VPS13B: variants seen among roughly 807,000 people sequenced by gnomAD.
The protein encoded by VPS13B is intermembrane lipid transfer protein VPS13B.
In VPS13B, 285 loss-of-function variants were observed where a neutral mutation model predicts 426.4. The observed-to-expected ratio is 0.67, with a 90% CI of 0.61 to 0.74. The LOEUF (loss-of-function observed/expected upper bound fraction) is 0.74. Among genes scored for constraint, VPS13B ranks in the 30% least tolerant of loss-of-function variants. The pLI is 0.00. For missense variants in VPS13B, 4,537 were observed against 4,782.6 expected (o/e 0.95, Z 1.51); for synonymous variants, 1,676 against 1,676.4 (o/e 1.00, Z 0.01).
intron 17 of VPS13B, chr8:99,234,077 G>T (rs1203227887): frequency 9.0e-6 from 7 of 781,710 alleles, no homozygotes; most frequent in Non-Finnish European, 1.4e-5. Context: ...TGTCCGGCCT[G>T]AGAAGAGCCC....
intron 12 of VPS13B, among the ~76,000 whole-genome samples, chr8:99,137,392 A>G (rs1225636378): frequency 1.3e-5 from 2 of 151,934 alleles, no homozygotes; most frequent in Non-Finnish European, 2.9e-5. Context: ...GTATTAGGTG[A>G]TATGTTAGGT....
intron 24 of VPS13B, among the ~76,000 whole-genome samples, chr8:99,481,266 CT>C (rs1310604015): frequency 2.0e-5 from 3 of 152,056 alleles, no homozygotes; most frequent in Non-Finnish European, 4.4e-5. Flanking sequence ...ACTAGAACGC[CT>C]TTGTTTTTTA....
At chr8:99,827,848 G>C (rs1440895855) in intron 51 of VPS13B, among the ~76,000 whole-genome samples, 2 of 152,182 alleles carry the variant, frequency 1.3e-5, no homozygotes, top group Admixed American at 6.5e-5. Context: ...TTACCCAGTA[G>C]TCATTCAGGA....
intron 34 of VPS13B, among the ~76,000 whole-genome samples, chr8:99,653,666 T>G (rs1290323186): frequency 1.3e-5 from 2 of 152,194 alleles, no homozygotes; most frequent in Non-Finnish European, 2.9e-5. Context: ...CTGGTTATAC[T>G]TAATATTCAT....
chr8:99,766,993 G>T, intron 40 of VPS13B, 23 bp downstream of exon 40: 1 of 1,608,424 alleles, frequency 6.2e-7, no homozygotes, highest in South Asian at 1.1e-5. Flanking sequence ...AAGATGATAT[G>T]GTAGCATTAC....
intron 35 of VPS13B, among the ~76,000 whole-genome samples, chr8:99,662,691 G>C (rs3099853): frequency 0.19 from 29,011 of 151,890 alleles, 3,331 homozygotes; most frequent in East Asian, 0.45. Context: ...CAAGCAATCC[G>C]CCTGCCTCAG....
At chr8:99,831,948 T>A (rs1002942803) in intron 51 of VPS13B, among the ~76,000 whole-genome samples, 2 of 152,194 alleles carry the variant, frequency 1.3e-5, no homozygotes, top group Non-Finnish European at 2.9e-5. Flanking sequence ...TACATAGTTA[T>A]AGATGGTGTC....
rs1816857792 is a variant in VPS13B, at chr8:99,861,923, C to T, written c.11192C>T (p.Ser3731Phe). The T allele has an allele frequency of 6.3e-7, 1 of 1,595,540 alleles. No homozygotes were observed. The highest frequency in any genetic ancestry group is 8.5e-7 in the Non-Finnish European group (1 of 1,172,250). ...SLGEGLRQGL[S>F]RLGISLLGAI... is the part of the protein sequence containing the mutation. The stretch of plus-strand genomic sequence containing the variant: ...GGCGAGGGGCTTCGACAGGGCCTGT[C>T]CCGGCTGGGCATCAGCCTGCTTGGT... Residue 3731 changes from serine (S) to phenylalanine (F), a missense_variant, in exon 58 of 62, where the codon TCC becomes TTC. Physicochemically the swap from Ser to Phe is radical, Grantham distance 155 (BLOSUM62 -2). This residue lies in a region of VPS13B where 4,311 missense variants were observed against 4,474.3 expected (regional missense o/e 0.96). Coordinates refer to ENST00000357162, the MANE Select transcript of VPS13B (RefSeq NM_152564.5).
intron 29 of VPS13B, 82 bp from the exon 30 acceptor site, chr8:99,520,817 C>T: frequency 3.3e-5 from 34 of 1,021,386 alleles, no homozygotes; most frequent in South Asian, 1.4e-4. Flanking sequence ...GTCTCTATTC[C>T]ATTCCCTCAA....
intron 21 of VPS13B, among the ~76,000 whole-genome samples, chr8:99,425,773 C>T (rs1168434528): frequency 6.6e-6 from 1 of 152,144 alleles, no homozygotes; most frequent in South Asian, 2.1e-4. Context: ...TCCCTGTTTG[C>T]AGATGACATG....
At chr8:99,535,611 CATT>C (rs910114934) in intron 30 of VPS13B, among the ~76,000 whole-genome samples, 1 of 151,968 alleles carries the variant, frequency 6.6e-6, no homozygotes, top group Non-Finnish European at 1.5e-5. Context: ...TTACTTTTTT[CATT>C]TTTTAAAGTG....
intron 27 of VPS13B, among the ~76,000 whole-genome samples, chr8:99,506,467 G>A (rs535927999): frequency 9.2e-5 from 14 of 152,082 alleles, no homozygotes; most frequent in Non-Finnish European, 1.9e-4. Flanking sequence ...ATAAATTATA[G>A]ATATTCAGAT....
At chr8:99,828,394 G>GTTTTTTTTTTTTT (rs555108452) in intron 51 of VPS13B, among the ~76,000 whole-genome samples, 230 of 17,440 alleles carry the variant, frequency 0.013, 75 homozygotes, top group African/African-American at 0.015. Flanking sequence ...TACAACCACC[G>GTTTTTTTTTTTTT]TTTTTTTTTT....
intron 21 of VPS13B, among the ~76,000 whole-genome samples, chr8:99,412,398 T>G (rs1815729971): frequency 1.3e-5 from 2 of 152,232 alleles, no homozygotes; most frequent in South Asian, 4.1e-4. Context: ...TAGGAATGCT[T>G]GTGATTTTTG....
chr8:99,467,318 T>C, intron 23 of VPS13B, 96 bp from the exon 24 acceptor site: 1 of 1,241,280 alleles, frequency 8.1e-7, no homozygotes, highest in Non-Finnish European at 1.2e-6. Context: ...GCAGTATTAG[T>C]CATAAATGTT....
chr8:99,464,994 T>G (rs1384188410), intron 23 of VPS13B, among the ~76,000 whole-genome samples: 1 of 152,208 alleles, frequency 6.6e-6, no homozygotes, highest in Non-Finnish European at 1.5e-5. Context: ...GAAAATTTTT[T>G]AATTCTGCCG....
intron 35 of VPS13B, among the ~76,000 whole-genome samples, chr8:99,665,883 G>A (rs1830466009): frequency 6.6e-6 from 1 of 152,074 alleles, no homozygotes; most frequent in South Asian, 2.1e-4. Context: ...GATGGGGATG[G>A]CATTAAATCT....
At chr8:99,422,872 G>A (rs1305121998) in intron 21 of VPS13B, among the ~76,000 whole-genome samples, 1 of 152,198 alleles carries the variant, frequency 6.6e-6, no homozygotes, top group African/African-American at 2.4e-5. Context: ...CTATGTGTGG[G>A]AAGATAAATA....
chr8:99,740,137 C>A (rs139203073), intron 39 of VPS13B, among the ~76,000 whole-genome samples: 1 of 152,094 alleles, frequency 6.6e-6, no homozygotes, highest in East Asian at 1.9e-4. Flanking sequence ...AAGGACCTGA[C>A]GGAGCTGCAA....
Sources: allele counts gnomAD v4.1 joint callset (sites outside exome capture counted in the v4.1 genomes callset), GRCh38; gene constraint gnomAD v4.1.1; regional missense constraint gnomAD v4.1.1; transcripts MANE v1.5; gene names NCBI Gene and HGNC (gene_info 2026-07-23, HGNC 2026-07-21).